The following AQR variants were observed in gnomAD, a reference collection of about 807,000 sequenced individuals.
The protein encoded by AQR is RNA helicase aquarius.
A neutral mutation model predicts 180.5 loss-of-function variants in AQR; 61 were observed. The observed-to-expected ratio is 0.34, with a 90% CI of 0.28 to 0.42. The LOEUF is 0.42. Ranked by LOEUF, AQR falls within the 10% of genes least tolerant of loss-of-function variation. The pLI is 1.00. For synonymous variants in AQR, 551 were observed against 588.8 expected, an observed-to-expected ratio of 0.94 and a Z score of 0.93; for missense variants, 1,281 against 1,798.3, an observed-to-expected ratio of 0.71 and a Z score of 5.20.
chr15:34,921,005 TTTTA>T (rs1893676197), intron 13 of AQR, among the ~76,000 whole-genome samples: 1 of 151,940 alleles, frequency 6.6e-6, no homozygotes, highest in East Asian at 1.9e-4. Flanking sequence ...TGTTTCACAG[TTTTA>T]TTTAAGAATG....
At chr15:34,862,715 G>A (rs1394491380) in intron 33 of AQR, 152 bp downstream of exon 33, 2 of 797,198 alleles carry the variant, frequency 2.5e-6, no homozygotes, top group Non-Finnish European at 3.7e-6. Flanking sequence ...TTTTTATATA[G>A]AAAATCTACC....
rs556277731 is a variant in AQR at position 34,854,997 on chromosome 15, C to A, written c.*1795G>T. The A allele has an allele frequency of 6.6e-6, 1 of 152,302 alleles. No individual in the cohort carries two copies. Among genetic ancestry groups the A allele is most frequent in the South Asian group, 2.1e-4 (1 of 4,824 alleles). The allele number at this position is 152,302 out of a possible 1,614,324, so 9.4% of individuals were successfully genotyped here. A position where few individuals can be genotyped will look rare whatever the true frequency, so the allele number is the denominator to read the frequency against. ...ATTCCCCATACAGATGCCCACAGCA[C>A]CTGCTTTCAAAATCTTTTATCGGAG... On this transcript the variant is annotated 3_prime_UTR_variant, in exon 35 of 35. Coordinates refer to ENST00000156471, the MANE Select transcript of AQR (RefSeq NM_014691.3).
chr15:34,895,195 T>A (rs1334792728), intron 22 of AQR, among the ~76,000 whole-genome samples: 606 of 37,628 alleles, frequency 0.016, 23 homozygotes, highest in Non-Finnish European at 0.022. Flanking sequence ...AAAATATATA[T>A]ATATATATAT....
At chr15:34,938,470 T>G (rs976715550) in intron 9 of AQR, among the ~76,000 whole-genome samples, 10 of 151,730 alleles carry the variant, frequency 6.6e-5, no homozygotes, top group Admixed American at 5.3e-4. Context: ...CTGGGGGAGG[T>G]TGCAGTGAGC....
intron 16 of AQR, among the ~76,000 whole-genome samples, chr15:34,910,961 A>G (rs2140481198): frequency 6.6e-6 from 1 of 152,318 alleles, no homozygotes; most frequent in South Asian, 2.1e-4. Flanking sequence ...CTACAACCTG[A>G]TAACTGCCCT....
chr15:34,933,358 C>G (rs1305371227), intron 10 of AQR, among the ~76,000 whole-genome samples: 1 of 152,136 alleles, frequency 6.6e-6, no homozygotes, highest in Admixed American at 6.5e-5. Context: ...CTTTCAATTT[C>G]TCTCATTAAT....
At chr15:34,869,581 C>G (rs1341559346) in intron 31 of AQR, 1 of 152,102 alleles carries the variant, frequency 6.6e-6, no homozygotes, top group Non-Finnish European at 1.5e-5. Context: ...AAGTAACTTT[C>G]CTTATTATTT....
chr15:34,868,883 T>A (rs1892776142), intron 31 of AQR: 1 of 152,212 alleles, frequency 6.6e-6, no homozygotes, highest in South Asian at 2.1e-4. Context: ...ACCACAGTTT[T>A]GTCCACTCAC....
chr15:34,878,396 A>AG (rs569635241), intron 27 of AQR, among the ~76,000 whole-genome samples: 176 of 151,180 alleles, frequency 1.2e-3, no homozygotes, highest in Non-Finnish European at 2.3e-3. Context: ...AAAAAAAAAA[A>AG]AAAAAAAAAA....
chr15:34,900,943 G>A (rs1458899131), intron 19 of AQR, 80 bp from the exon 20 acceptor site: 4 of 1,484,280 alleles, frequency 2.7e-6, no homozygotes, highest in African/African-American at 1.4e-5. Context: ...AGAGCTGGCT[G>A]CACTAATCCA....
intron 9 of AQR, among the ~76,000 whole-genome samples, chr15:34,937,890 A>T (rs568215641): frequency 1.4e-3 from 213 of 150,878 alleles, no homozygotes; most frequent in Admixed American, 2.0e-3. Flanking sequence ...TCTCAAAAAA[A>T]AATAATAATA....
intron 32 of AQR, among the ~76,000 whole-genome samples, chr15:34,865,354 C>G (rs1892726259): frequency 6.6e-6 from 1 of 152,154 alleles, no homozygotes; most frequent in Non-Finnish European, 1.5e-5. Flanking sequence ...TGTCCCACTA[C>G]TCTGGCTACT....
rs202242658 is a variant in AQR, at chr15:34,882,649, C to T, written c.3028-10G>A. 57 of 1,589,886 alleles carry T rather than the reference C, an allele frequency of 3.6e-5. No homozygotes were observed. The highest frequency in any genetic ancestry group is 1.7e-4 in the Middle Eastern group (1 of 5,980). On this transcript the variant is annotated splice_polypyrimidine_tract_variant and intron_variant, in intron 26 of 34. Transcript: ENST00000156471. ...CAGAGGCTCTGAATTCCTATGGAAA[C>T]GAGGAGCAATGAAAGATAATTTTAG... is the stretch of plus-strand genomic sequence containing the variant.
At position 34,960,326 on chromosome 15, in the gene AQR, A is replaced by G. The variant is rs1384877607; in HGVS notation, c.173+448T>C. ...CCAGGGATTGGGGGCAGAAAAGATG[A>G]TTTATTGAAACTCACCCCTTACAGC... is the stretch of plus-strand genomic sequence containing the variant. On this transcript the variant is annotated intron_variant, in intron 3 of 34. Transcript: ENST00000156471. Among the ~76,000 whole-genome samples, 4 of 152,348 alleles carry G rather than the reference A, an allele frequency of 2.6e-5. No homozygotes were observed. The East Asian group carries it at 7.7e-4, about 29-fold the overall frequency.
chr15:34,897,849 GA>G, intron 20 of AQR, 144 bp from the exon 21 acceptor site: 1 of 895,092 alleles, frequency 1.1e-6, no homozygotes, highest in Non-Finnish European at 1.7e-6. Context: ...TGTAAACTCT[GA>G]AAATGGTCGA....
intron 27 of AQR, among the ~76,000 whole-genome samples, chr15:34,880,574 A>G (rs12903600): frequency 0.42 from 63,737 of 152,156 alleles, 16,087 homozygotes; most frequent in Non-Finnish European, 0.57. Context: ...AAGAAAAAAA[A>G]ATTGTGCATG....
chr15:34,884,288 T>C (rs1893021673), intron 26 of AQR, among the ~76,000 whole-genome samples: 1 of 151,804 alleles, frequency 6.6e-6, no homozygotes. Context: ...GCACCTGTAA[T>C]CCCAGCTGCT....
chr15:34,911,848 C>A (rs1893504569), intron 16 of AQR, among the ~76,000 whole-genome samples: 1 of 151,882 alleles, frequency 6.6e-6, no homozygotes, highest in Non-Finnish European at 1.5e-5. Context: ...TTGGTATCAC[C>A]CAAAAATCAT....
chr15:34,882,639 C>A lies in AQR; in HGVS notation c.3028G>T (p.Glu1010Ter). 1 of 1,593,946 alleles carries A rather than the reference C, an allele frequency of 6.3e-7. No homozygotes were observed. Among genetic ancestry groups the A allele is most frequent in the Non-Finnish European group, 8.5e-7 (1 of 1,171,718 alleles). Residue 1010 changes from glutamate to a stop codon, truncating the protein, a stop_gained and splice_region_variant, in exon 27 of 35, where the codon GAA becomes TAA. Transcript: ENST00000156471. LOFTEE classifies it high-confidence loss of function. Reference protein sequence around the residue: ...HIKKIFTQLEEFRASELLRSG... With the variant: ...HIKKIFTQLE The stretch of plus-strand genomic sequence containing the variant: ...CGAAGCAATTCAGAGGCTCTGAATT[C>A]CTATGGAAACGAGGAGCAATGAAAG...
Sources: gnomAD v4.1 joint callset for allele counts (sites outside exome capture counted in the v4.1 genomes callset) on GRCh38, gnomAD v4.1.1 for gene constraint, MANE v1.5 for transcripts, NCBI Gene and HGNC (gene_info 2026-07-23, HGNC 2026-07-21) for gene names.